The following DST variants were observed in gnomAD, a reference collection of about 807,000 sequenced individuals.
DST encodes bullous pemphigoid antigen.
Under a neutral mutation model 875.2 loss-of-function variants are expected in DST, and 253 were observed. The ratio of observed to expected loss-of-function variants is 0.29; its 90% CI spans 0.26 to 0.32. DST has a LOEUF of 0.32. Ranked by LOEUF, DST falls within the 10% of genes least tolerant of loss-of-function variation. DST has a pLI of 1.00. For synonymous variants in DST, 3,124 were observed against 3,197.1 expected, an observed-to-expected ratio of 0.98 and a Z score of 0.77; for missense variants, 8,287 against 9,111.6, an observed-to-expected ratio of 0.91 and a Z score of 3.68.
intron 49 of DST, among the ~76,000 whole-genome samples, chr6:56,586,530 T>G (rs1438193514): frequency 2.6e-5 from 4 of 152,058 alleles, no homozygotes; most frequent in Non-Finnish European, 4.4e-5. Context: ...AGCACACTGA[T>G]GGGTCTTGAC....
intron 4 of DST, among the ~76,000 whole-genome samples, chr6:56,796,264 A>G (rs1427196781): frequency 6.6e-6 from 1 of 152,230 alleles, no homozygotes; most frequent in Non-Finnish European, 1.5e-5. Context: ...TTAACTACAG[A>G]GCACAAACAA....
rs911147647 is a variant in DST, at chr6:56,892,346, C to T, written c.417+8075G>A. On this transcript the variant is annotated intron_variant, in intron 3 of 103. Transcript: ENST00000680361. ...CCTTTTTTTTTTTTTTTTTTTCAGA[C>T]AGTGTCTTGCTCTGTCACTCAGGCT... Among the ~76,000 whole-genome samples, 6 of 134,048 alleles carry T rather than the reference C, an allele frequency of 4.5e-5. No individual in the cohort carries two copies. In the East Asian group the frequency reaches 1.4e-3, roughly 30 times the overall value. 87.9% of individuals were successfully genotyped at this position (134,048 alleles called of 152,430 possible).
intron 37 of DST, among the ~76,000 whole-genome samples, chr6:56,613,267 C>T (rs1016241499): frequency 6.6e-6 from 1 of 152,142 alleles, no homozygotes; most frequent in Non-Finnish European, 1.5e-5. Context: ...TCCCACATCT[C>T]CCACATCCCA....
intron 52 of DST, 53 bp downstream of exon 52, chr6:56,572,694 G>A (rs1222816814): frequency 6.7e-6 from 9 of 1,338,046 alleles, no homozygotes; most frequent in Middle Eastern, 1.9e-4. Flanking sequence ...ATATGAGTTT[G>A]CCCTAACTAT....
chr6:56,483,421 T>C (rs1235511296), intron 88 of DST: 1 of 151,406 alleles, frequency 6.6e-6, no homozygotes, highest in African/African-American at 2.4e-5. Context: ...TTTATTCCTA[T>C]AACACTCCTT....
chr6:56,641,803 T>G, intron 17 of DST, 144 bp downstream of exon 17: 1 of 665,170 alleles, frequency 1.5e-6, no homozygotes, highest in Non-Finnish European at 2.4e-6. Flanking sequence ...CACCAAAATA[T>G]ATAAAAATGT....
intron 4 of DST, among the ~76,000 whole-genome samples, chr6:56,783,252 G>C (rs1034052619): frequency 3.3e-5 from 5 of 152,192 alleles, no homozygotes; most frequent in Non-Finnish European, 7.3e-5. Flanking sequence ...GCTTGGTGCA[G>C]AGCTGAGTCC....
At chr6:56,784,827 T>C (rs1390186846) in intron 4 of DST, among the ~76,000 whole-genome samples, 1 of 152,256 alleles carries the variant, frequency 6.6e-6, no homozygotes, top group Non-Finnish European at 1.5e-5. Flanking sequence ...CCAGTTTTTC[T>C]GCTCTGTTTT....
Position 56,532,429 on chromosome 6 carries a change from C to T in DST, c.17023G>A (p.Glu5675Lys), listed in dbSNP as rs752071392. ...REGEKIATTA[E>K]PADKVKILKQ... Reference sequence around the variant, plus strand: ...AAAATCTTCACTTTATCTGCGGGCTCTGCTGTTGTAGCAATTTTTTCTCCT... The same window carrying T: ...AAAATCTTCACTTTATCTGCGGGCTTTGCTGTTGTAGCAATTTTTTCTCCT... Residue 5675 changes from glutamate (E) to lysine (K), a missense_variant, in exon 64 of 104, where the codon GAG becomes AAG. Physicochemically the swap from Glu to Lys is moderately conservative, Grantham distance 56. This residue lies in a region of DST where 777 missense variants were observed against 764.8 expected (regional missense o/e 1.02). Coordinates refer to ENST00000680361, the MANE Select transcript of DST (RefSeq NM_001374736.1). 1.9e-6 allele frequency: 3 copies of T among 1,613,366 alleles called. No individual in the cohort carries two copies. The South Asian group carries it at 3.3e-5, about 18-fold the overall frequency.
At chr6:56,842,612 G>A (rs1469503486) in intron 4 of DST, among the ~76,000 whole-genome samples, 1 of 151,870 alleles carries the variant, frequency 6.6e-6, no homozygotes, top group Non-Finnish European at 1.5e-5. Context: ...TATCAAATAA[G>A]AAAGATCATT....
chr6:56,585,476 C>T (rs1428534283), intron 49 of DST, among the ~76,000 whole-genome samples: 5 of 151,900 alleles, frequency 3.3e-5, no homozygotes, highest in East Asian at 3.9e-4. Context: ...CTATTTGATT[C>T]TTCTCTCTTT....
intron 2 of DST, among the ~76,000 whole-genome samples, chr6:56,920,755 G>C (rs541212942): frequency 7.1e-6 from 1 of 140,860 alleles, no homozygotes; most frequent in African/African-American, 2.7e-5. Flanking sequence ...TTGAGACAAG[G>C]TCTTGCTCTG....
chr6:56,598,584 T>C lies in DST; in HGVS notation c.11820A>G (p.Lys3940=), dbSNP rs752261643. ...CACACTTTATCTTAGCTTCATTAAG[T>C]TTCTGTTCAATCAAAGCCTTATCTT... ...SQEDKALIEQ[K]LNEAKIKCEQ... The change falls in exon 46 of 104, where the codon AAA becomes AAG. Residue 3940 remains lysine (K), a synonymous_variant. Coordinates refer to ENST00000680361, the MANE Select transcript of DST (RefSeq NM_001374736.1). 3 of 1,612,514 alleles carry C rather than the reference T, an allele frequency of 1.9e-6. No homozygotes were observed. The highest frequency in any genetic ancestry group is 2.5e-6 in the Non-Finnish European group (3 of 1,179,092).
rs752532320 is a variant in DST, at chr6:56,464,730, G to A, written c.22714C>T (p.Arg7572Cys). 2.5e-6 allele frequency: 4 copies of A among 1,599,312 alleles called. No individual in the cohort carries two copies. The highest frequency in any genetic ancestry group is 1.1e-5 in the South Asian group (1 of 88,042). ...GTAATTGAAGAGTTTGATTCCGAAC[G>A]TAACATTTTACTCCCATGATGATGA... ...RVHHHGSKML[R>C]SESNSSITTT... Residue 7572 changes from arginine to cysteine, a missense_variant, in exon 100 of 104, where the codon CGT becomes TGT. Arg to Cys is a radical substitution (Grantham distance 180). Around this residue, in one of 10 missense-constraint regions of DST, gnomAD observed 64 missense variants for 86.2 expected, o/e 0.74. Transcript: ENST00000680361.
intron 2 of DST, among the ~76,000 whole-genome samples, chr6:56,945,512 C>T (rs1402753469): frequency 6.6e-6 from 1 of 152,084 alleles, no homozygotes; most frequent in African/African-American, 2.4e-5. Flanking sequence ...CAGTTTTGCA[C>T]ATGTTCAGTT....
intron 2 of DST, among the ~76,000 whole-genome samples, chr6:56,934,122 C>A (rs545162406): frequency 6.6e-6 from 1 of 152,180 alleles, no homozygotes; most frequent in Non-Finnish European, 1.5e-5. Flanking sequence ...CCATCTCAGC[C>A]TCCTAAGTAG....
chr6:56,813,011 T>A (rs1590986650), intron 4 of DST, among the ~76,000 whole-genome samples: 2 of 151,854 alleles, frequency 1.3e-5, no homozygotes, highest in Non-Finnish European at 1.5e-5. Context: ...TAGACTGGAT[T>A]AAGAAAATGT....
At chr6:56,706,310 T>C (rs1453660493) in intron 5 of DST, among the ~76,000 whole-genome samples, 4 of 139,986 alleles carry the variant, frequency 2.9e-5, no homozygotes, top group Admixed American at 6.9e-5. Flanking sequence ...CGAGACTCCG[T>C]CTCAAAAAAA....
At position 56,470,979 on chromosome 6, in the gene DST, G is replaced by T. The variant is rs1448402908; in HGVS notation, c.22321+127C>A. The T allele has an allele frequency of 4.9e-6, 5 of 1,016,812 alleles. No individual in the cohort carries two copies. In the East Asian group the frequency reaches 1.1e-4, roughly 22 times the overall value. 63.0% of individuals were successfully genotyped at this position (1,016,812 alleles called of 1,614,324 possible). A position where few individuals can be genotyped will look rare whatever the true frequency, so the allele number is the denominator to read the frequency against. On this transcript the variant is annotated intron_variant, in intron 95 of 103. Transcript: ENST00000680361. ...CCAAAAAAACATTTTTTTAAGGGTC[G>T]TGACTTCCTAGGCAACTTATAAGAC...
Sources: gnomAD v4.1 joint callset for allele counts (sites outside exome capture counted in the v4.1 genomes callset) on GRCh38, gnomAD v4.1.1 for gene constraint, gnomAD v4.1.1 regional missense constraint, MANE v1.5 for transcripts, NCBI Gene and HGNC (gene_info 2026-07-23, HGNC 2026-07-21) for gene names.